The following DYRK1A variants were observed in gnomAD, a reference collection of about 807,000 sequenced individuals.
DYRK1A encodes the protein dual specificity tyrosine phosphorylation regulated kinase 1A.
In DYRK1A, 9 loss-of-function variants were observed where a neutral mutation model predicts 79.7. That is an observed-to-expected ratio of 0.11 (90% CI 0.07 to 0.20). The LOEUF is 0.20. DYRK1A is among the 10% of genes least tolerant of loss of function. DYRK1A has a pLI of 1.00. For synonymous variants in DYRK1A, 349 were observed against 329.7 expected, an observed-to-expected ratio of 1.06 and a Z score of -0.63; for missense variants, 622 against 956.0, an observed-to-expected ratio of 0.65 and a Z score of 4.61.
chr21:37,453,862 A>G (rs548887484), intron 2 of DYRK1A, among the ~76,000 whole-genome samples: 1 of 152,304 alleles, frequency 6.6e-6, no homozygotes, highest in Admixed American at 6.5e-5. Context: ...GTATCTCAAC[A>G]TCTTTACTTT....
At position 37,512,248 on chromosome 21, in the gene DYRK1A, C is replaced by T; in HGVS notation, c.1982C>T (p.Ser661Phe). ...ACGACTTCTTCCTCGACATCTTCCTCCTCTACTGGTAACCAAGGCAATCAG... is the reference window on the plus strand; with the variant it reads ...ACGACTTCTTCCTCGACATCTTCCTTCTCTACTGGTAACCAAGGCAATCAG... ...SSTTSSSTSS[S>F]STGNQGNQAY... The change falls in exon 12 of 12, where the codon TCC (serine) becomes TTC (phenylalanine). Residue 661 changes from serine (S) to phenylalanine (F), a missense_variant. By Grantham distance (155) the Ser-to-Phe change is radical. This residue lies in a region of DYRK1A where 292 missense variants were observed against 316.7 expected (regional missense o/e 0.92). Transcript: ENST00000647188. The T allele has an allele frequency of 1.2e-6, 2 of 1,614,244 alleles. No homozygotes were observed. Among genetic ancestry groups the T allele is most frequent in the Non-Finnish European group, 8.5e-7 (1 of 1,180,042 alleles).
chr21:37,382,878 A>G (rs1219006439), intron 1 of DYRK1A, among the ~76,000 whole-genome samples: 3 of 152,368 alleles, frequency 2.0e-5, no homozygotes, highest in Admixed American at 6.5e-5. Context: ...TCTGTAACCC[A>G]TTAACTGAAG....
chr21:37,460,309 A>G (rs558825971), intron 2 of DYRK1A, among the ~76,000 whole-genome samples: 1 of 152,074 alleles, frequency 6.6e-6, no homozygotes, highest in Non-Finnish European at 1.5e-5. Context: ...CTCTTTTTGT[A>G]TTATTAAGTC....
chr21:37,471,364 G>C (rs1056817112), intron 2 of DYRK1A, among the ~76,000 whole-genome samples: 1 of 152,186 alleles, frequency 6.6e-6, no homozygotes, highest in East Asian at 1.9e-4. Context: ...AGTAGAGGTG[G>C]AACTTATGTT....
At chr21:37,388,462 T>C (rs1170355184) in intron 1 of DYRK1A, among the ~76,000 whole-genome samples, 2 of 152,168 alleles carry the variant, frequency 1.3e-5, no homozygotes, top group African/African-American at 4.8e-5. Context: ...CTGTAAAAGA[T>C]AAGGATGCTG....
intron 10 of DYRK1A, 69 bp downstream of exon 10, chr21:37,505,658 TAA>T (rs1226228093): frequency 6.8e-7 from 1 of 1,466,988 alleles, no homozygotes; most frequent in African/African-American, 1.4e-5. Flanking sequence ...GGGATTATTT[TAA>T]AGTGTTGATT....
Position 37,524,432 on chromosome 21 carries a change from C to T in DYRK1A, c.*11901C>T, listed in dbSNP as rs2053955238. 6.6e-6 allele frequency: 1 copy of T among 152,200 alleles called. No homozygotes were observed. The highest frequency in any genetic ancestry group is 1.5e-5 in the Non-Finnish European group (1 of 68,036). The allele number at this position is 152,200 out of a possible 1,614,324, so 9.4% of individuals were successfully genotyped here. A position where few individuals can be genotyped will look rare whatever the true frequency, so the allele number is the denominator to read the frequency against. ...AAAATAAAAAATGAAAATGAAGCTA[C>T]AACCAAAGTAAGTTTCAGATGGCTC... On this transcript the variant is annotated 3_prime_UTR_variant, in exon 12 of 12. Transcript: ENST00000647188.
chr21:37,450,055 G>A (rs2051396725), intron 2 of DYRK1A, among the ~76,000 whole-genome samples: 1 of 152,188 alleles, frequency 6.6e-6, no homozygotes, highest in Non-Finnish European at 1.5e-5. Flanking sequence ...CTTGTGCAAT[G>A]CATTGCTATG....
intron 6 of DYRK1A, chr21:37,487,435 T>C (rs1052773373): frequency 6.6e-6 from 1 of 152,184 alleles, no homozygotes; most frequent in African/African-American, 2.4e-5. Flanking sequence ...CAGTATTTTT[T>C]AATCAAATCT....
chr21:37,468,993 G>GA (rs1204217189), intron 2 of DYRK1A, among the ~76,000 whole-genome samples: 9 of 152,106 alleles, frequency 5.9e-5, no homozygotes, highest in Admixed American at 1.3e-4. Flanking sequence ...CAATTCAGTA[G>GA]AAAAAATAGA....
intron 1 of DYRK1A, among the ~76,000 whole-genome samples, chr21:37,368,969 C>T (rs920538222): frequency 6.7e-6 from 1 of 148,440 alleles, no homozygotes; most frequent in Non-Finnish European, 1.5e-5. Flanking sequence ...TCAGGCCTTT[C>T]CCCCCCCAAG....
At chr21:37,490,547 T>C in intron 7 of DYRK1A, 86 bp downstream of exon 7, 2 of 1,215,892 alleles carry the variant, frequency 1.6e-6, no homozygotes, top group Non-Finnish European at 2.1e-6. Flanking sequence ...GGCGCAAAAG[T>C]AATTGCGGTT....
intron 1 of DYRK1A, among the ~76,000 whole-genome samples, chr21:37,412,572 T>G (rs1000193839): frequency 1.3e-5 from 2 of 152,142 alleles, no homozygotes; most frequent in African/African-American, 2.4e-5. Context: ...TAGGAGATAG[T>G]TAATTCTAGG....
chr21:37,432,210 A>G (rs2050794979), intron 2 of DYRK1A, among the ~76,000 whole-genome samples: 1 of 151,772 alleles, frequency 6.6e-6, no homozygotes, highest in Admixed American at 6.6e-5. Context: ...TGGGAAAGGG[A>G]GGGAGGAAGA....
chr21:37,406,785 C>T (rs1001171845), intron 1 of DYRK1A, among the ~76,000 whole-genome samples: 102 of 147,106 alleles, frequency 6.9e-4, no homozygotes, highest in African/African-American at 2.5e-3. Context: ...CTATATACAT[C>T]TCTATATATG....
At chr21:37,377,967 T>A (rs899170329) in intron 1 of DYRK1A, among the ~76,000 whole-genome samples, 1 of 152,220 alleles carries the variant, frequency 6.6e-6, no homozygotes, top group African/African-American at 2.4e-5. Flanking sequence ...ATATGGATAT[T>A]TGAATATATG....
chr21:37,486,633 A>G lies in DYRK1A; in HGVS notation c.637+19A>G. The stretch of plus-strand genomic sequence containing the variant: ...TACATAGGTAAACAAACAGGCAAAC[A>G]GCGCAGTGTGCCCCAACCCACACCA... On this transcript the variant is annotated intron_variant, in intron 6 of 11. Transcript: ENST00000647188. The G allele has an allele frequency of 4.6e-6, 7 of 1,509,474 alleles. No homozygotes were observed. Among genetic ancestry groups the G allele is most frequent in the Non-Finnish European group, 6.2e-6 (7 of 1,126,806 alleles). The allele number at this position is 1,509,474 out of a possible 1,614,324, so 93.5% of individuals were successfully genotyped here.
intron 1 of DYRK1A, among the ~76,000 whole-genome samples, chr21:37,377,200 A>G (rs1032687212): frequency 2.6e-5 from 4 of 151,912 alleles, no homozygotes; most frequent in Admixed American, 1.3e-4. Context: ...GCTCACTGCA[A>G]GCTCCGCCTC....
chr21:37,430,489 A>G, intron 2 of DYRK1A: 6 of 866,586 alleles, frequency 6.9e-6, no homozygotes, highest in Non-Finnish European at 8.3e-6. Flanking sequence ...TGTTCCATGC[A>G]CCGCGCAAAT....
Sources: allele counts gnomAD v4.1 joint callset (sites outside exome capture counted in the v4.1 genomes callset), GRCh38; gene constraint gnomAD v4.1.1; regional missense constraint gnomAD v4.1.1; transcripts MANE v1.5; gene names NCBI Gene and HGNC (gene_info 2026-07-23, HGNC 2026-07-21).